Variants in SPATA17 observed in about 807,000 individuals in gnomAD.
SPATA17 encodes spermatogenesis-associated protein 17.
SPATA17 carries 53 observed loss-of-function variants against 62.2 expected under a neutral mutation model. The observed-to-expected ratio is 0.85, with a 90% CI of 0.68 to 1.07. The LOEUF is 1.07. Ranked by LOEUF, SPATA17 falls within the 50% of genes least tolerant of loss-of-function variation. The pLI, the probability that SPATA17 is intolerant of heterozygous loss-of-function variation, is 0.00. For missense variants in SPATA17, 466 were observed against 425.5 expected (o/e 1.10, Z -0.84); for synonymous variants, 146 against 146.8 (o/e 0.99, Z 0.04).
Position 217,702,304 on chromosome 1 carries a change from G to A in SPATA17, c.395+18943G>A, listed in dbSNP as rs535961494. 1.5e-4 allele frequency among the ~76,000 whole-genome samples: 23 copies of A among 152,114 alleles called. No homozygotes were observed. The East Asian group carries it at 3.7e-3, about 24-fold the overall frequency. ...TATATGGGTCACCACTAATGTCTAA[G>A]CTTTATTCTAATTTTTTAAATTACC... On this transcript the variant is annotated intron_variant, in intron 5 of 10. Coordinates refer to ENST00000366933, the MANE Select transcript of SPATA17 (RefSeq NM_138796.4).
At chr1:217,689,147 C>G (rs1387737196) in intron 5 of SPATA17, among the ~76,000 whole-genome samples, 1 of 151,580 alleles carries the variant, frequency 6.6e-6, no homozygotes, top group Admixed American at 6.6e-5. Flanking sequence ...TTCGAGCTAG[C>G]CTTTATAGAG....
At chr1:217,638,307 A>G (rs1669984143) in intron 1 of SPATA17, among the ~76,000 whole-genome samples, 1 of 133,174 alleles carries the variant, frequency 7.5e-6, no homozygotes. Flanking sequence ...TATGTTTATG[A>G]AAGAAATAAG....
At chr1:217,634,414 G>A (rs1300557796) in intron 1 of SPATA17, among the ~76,000 whole-genome samples, 1 of 152,104 alleles carries the variant, frequency 6.6e-6, no homozygotes, top group East Asian at 1.9e-4. Flanking sequence ...GGTGGAACCT[G>A]TCTTCTTGCA....
chr1:217,842,980 C>G (rs975708549), intron 9 of SPATA17, among the ~76,000 whole-genome samples: 2 of 151,130 alleles, frequency 1.3e-5, no homozygotes, highest in African/African-American at 4.9e-5. Context: ...TGACTCATAT[C>G]TTGTTTAGAA....
chr1:217,707,903 C>A (rs1671771407), intron 5 of SPATA17, among the ~76,000 whole-genome samples: 1 of 152,114 alleles, frequency 6.6e-6, no homozygotes, highest in African/African-American at 2.4e-5. Flanking sequence ...TAAGAAAATT[C>A]CTCAAAAACG....
intron 9 of SPATA17, among the ~76,000 whole-genome samples, chr1:217,845,506 G>A (rs2103008848): frequency 6.6e-6 from 1 of 152,182 alleles, no homozygotes; most frequent in Non-Finnish European, 1.5e-5. Flanking sequence ...ATGGCACAGA[G>A]ACCCTGCATG....
At chr1:217,801,004 T>G (rs996227106) in intron 8 of SPATA17, among the ~76,000 whole-genome samples, 2 of 152,208 alleles carry the variant, frequency 1.3e-5, no homozygotes, top group African/African-American at 2.4e-5. Context: ...GTAATAATGA[T>G]GATGGTAATG....
intron 9 of SPATA17, among the ~76,000 whole-genome samples, chr1:217,861,739 A>G (rs959616729): frequency 3.3e-5 from 5 of 152,154 alleles, no homozygotes; most frequent in African/African-American, 1.2e-4. Flanking sequence ...TTTGCCTTTT[A>G]TCTAAGCATT....
rs565546002 is a variant in SPATA17 at position 217,687,589 on chromosome 1, G to A, written c.395+4228G>A. ...TACAGTTGTATTACAATTACATATAGTATTCGGTACAGCATCATGCTGTAC... is the reference window on the plus strand; with the variant it reads ...TACAGTTGTATTACAATTACATATAATATTCGGTACAGCATCATGCTGTAC... On this transcript the variant is annotated intron_variant, in intron 5 of 10. Coordinates refer to ENST00000366933, the MANE Select transcript of SPATA17 (RefSeq NM_138796.4). Among the ~76,000 whole-genome samples the A allele has an allele frequency of 4.6e-5, 7 of 152,202 alleles. No homozygotes were observed. The South Asian group carries it at 1.5e-3, about 32-fold the overall frequency.
At chr1:217,718,556 A>T (rs922086759) in intron 5 of SPATA17, among the ~76,000 whole-genome samples, 1 of 152,186 alleles carries the variant, frequency 6.6e-6, no homozygotes, top group Non-Finnish European at 1.5e-5. Flanking sequence ...AAACATTTGA[A>T]AAGCCTCTAC....
At chr1:217,631,793 A>C (rs11117899) in intron 1 of SPATA17, among the ~76,000 whole-genome samples, 2,826 of 152,210 alleles carry the variant, frequency 0.019, 74 homozygotes, top group African/African-American at 0.064. Flanking sequence ...AGCCCAATGA[A>C]CTCAGATTGT....
At chr1:217,737,731 G>A (rs1672541659) in intron 5 of SPATA17, 1 of 152,422 alleles carries the variant, frequency 6.6e-6, no homozygotes, top group African/African-American at 2.4e-5. Context: ...GGTTCTGTAG[G>A]GAGGAATGAG....
intron 9 of SPATA17, among the ~76,000 whole-genome samples, chr1:217,840,969 G>A (rs1172077812): frequency 6.6e-6 from 1 of 151,890 alleles, no homozygotes; most frequent in Non-Finnish European, 1.5e-5. Context: ...GTATAGACAT[G>A]TACATATCGT....
At chr1:217,696,475 G>GGAGCTGTAGACCA (rs1671464257) in intron 5 of SPATA17, among the ~76,000 whole-genome samples, 1 of 152,164 alleles carries the variant, frequency 6.6e-6, no homozygotes, top group African/African-American at 2.4e-5. Context: ...GCTCACGCTG[G>GGAGCTGTAGACCA]GAGCTGTAGA....
intron 6 of SPATA17, among the ~76,000 whole-genome samples, chr1:217,752,990 A>G (rs1051938422): frequency 4.6e-5 from 7 of 152,220 alleles, no homozygotes; most frequent in Non-Finnish European, 1.0e-4. Context: ...TAGATTAAAC[A>G]TGTACCCACC....
At chr1:217,640,837 A>G (rs1670045680) in intron 1 of SPATA17, among the ~76,000 whole-genome samples, 1 of 152,128 alleles carries the variant, frequency 6.6e-6, no homozygotes, top group African/African-American at 2.4e-5. Flanking sequence ...AGTGTTTTTT[A>G]TGTAAAACAA....
chr1:217,781,338 A>C (rs1248496937), intron 7 of SPATA17: 1 of 152,218 alleles, frequency 6.6e-6, no homozygotes, highest in East Asian at 1.9e-4. Context: ...ATCTTTGTCC[A>C]TTTAATATTA....
intron 1 of SPATA17, among the ~76,000 whole-genome samples, chr1:217,642,520 T>C (rs956522144): frequency 1.3e-5 from 2 of 152,172 alleles, no homozygotes; most frequent in African/African-American, 2.4e-5. Context: ...CAGACTGATA[T>C]GGTTTGGCTC....
intron 4 of SPATA17, among the ~76,000 whole-genome samples, chr1:217,674,668 A>G (rs1017399165): frequency 6.6e-6 from 1 of 152,194 alleles, no homozygotes; most frequent in Non-Finnish European, 1.5e-5. Context: ...GTGTTACAAC[A>G]TGCTAATTAG....
Sources: allele counts gnomAD v4.1 joint callset (sites outside exome capture counted in the v4.1 genomes callset), GRCh38; gene constraint gnomAD v4.1.1; transcripts MANE v1.5; gene names NCBI Gene and HGNC (gene_info 2026-07-23, HGNC 2026-07-21).